The following ANKRD30BL variants were observed in gnomAD, a reference collection of about 807,000 sequenced individuals.
The protein encoded by ANKRD30BL is ankyrin repeat domain 30B like.
ANKRD30BL carries 20 observed loss-of-function variants against 18.4 expected under a neutral mutation model. That is an observed-to-expected ratio of 1.09 (90% CI 0.77 to 1.58). ANKRD30BL has a LOEUF of 1.58. Ranked by LOEUF, ANKRD30BL falls within the 40% of genes most tolerant of loss-of-function variation. ANKRD30BL has a pLI of 0.00. For synonymous variants in ANKRD30BL, 72 were observed against 100.9 expected, an observed-to-expected ratio of 0.71 and a Z score of 1.72; for missense variants, 224 against 268.6, an observed-to-expected ratio of 0.83 and a Z score of 1.16.
At chr2:132,221,805 T>C (rs1679694777) in intron 1 of ANKRD30BL, among the ~76,000 whole-genome samples, 1 of 103,566 alleles carries the variant, frequency 9.7e-6, no homozygotes, top group Non-Finnish European at 1.8e-5. Context: ...AGCCGCCCCG[T>C]CCGGGAGGGA....
chr2:132,202,150 A>G (rs934230462), intron 1 of ANKRD30BL, among the ~76,000 whole-genome samples: 152 of 147,932 alleles, frequency 1.0e-3, no homozygotes, highest in African/African-American at 3.4e-3. Context: ...TGTGGGGTGG[A>G]GGCAGGGGGG....
intron 1 of ANKRD30BL, among the ~76,000 whole-genome samples, chr2:132,180,497 A>G (rs1196913990): frequency 3.3e-5 from 5 of 152,226 alleles, no homozygotes; most frequent in African/African-American, 1.2e-4. Context: ...CTGTATGCAC[A>G]CATATGCAGG....
intron 1 of ANKRD30BL, among the ~76,000 whole-genome samples, chr2:132,181,491 A>T (rs1223383369): frequency 6.6e-6 from 1 of 152,000 alleles, no homozygotes; most frequent in African/African-American, 2.4e-5. Flanking sequence ...AAAGTGAGGG[A>T]TAAATGGAGA....
chr2:132,226,307 G>A (rs1679842720), intron 1 of ANKRD30BL, among the ~76,000 whole-genome samples: 1 of 150,952 alleles, frequency 6.6e-6, no homozygotes, highest in Non-Finnish European at 1.5e-5. Flanking sequence ...ATCTGCAAGT[G>A]GATTCTTGGA....
At chr2:132,206,312 C>G (rs1320311588) in intron 1 of ANKRD30BL, among the ~76,000 whole-genome samples, 1 of 152,100 alleles carries the variant, frequency 6.6e-6, no homozygotes. Flanking sequence ...TGGATTTCAA[C>G]TTTTGAGTGC....
chr2:132,222,786 G>T (rs1243128528), intron 1 of ANKRD30BL, among the ~76,000 whole-genome samples: 1 of 118,696 alleles, frequency 8.4e-6, no homozygotes, highest in Middle Eastern at 9.1e-3. Context: ...ATTGTCCTAT[G>T]ACCCTGCCAA....
At chr2:132,222,230 C>G (rs1425375077) in intron 1 of ANKRD30BL, among the ~76,000 whole-genome samples, 3 of 148,280 alleles carry the variant, frequency 2.0e-5, no homozygotes, top group African/African-American at 5.0e-5. Context: ...CAGCCCCCCG[C>G]CCGGCCAGCC....
At chr2:132,205,321 A>G (rs886225135) in intron 1 of ANKRD30BL, among the ~76,000 whole-genome samples, 1 of 151,728 alleles carries the variant, frequency 6.6e-6, no homozygotes, top group East Asian at 1.9e-4. Flanking sequence ...TATTAAAAAG[A>G]AAGCATGGGC....
intron 1 of ANKRD30BL, among the ~76,000 whole-genome samples, chr2:132,241,210 T>A (rs1462294731): frequency 6.6e-6 from 1 of 151,430 alleles, no homozygotes; most frequent in Admixed American, 6.6e-5. Flanking sequence ...TCTCAGAAAC[T>A]TCTTTGTGAT....
chr2:132,226,149 G>A (rs75825284), intron 1 of ANKRD30BL, among the ~76,000 whole-genome samples: 3 of 151,780 alleles, frequency 2.0e-5, no homozygotes, highest in Admixed American at 6.6e-5. Context: ...TATTTTGACC[G>A]CTTAGAGGCC....
chr2:132,213,068 G>A (rs190671964), intron 1 of ANKRD30BL, among the ~76,000 whole-genome samples: 56 of 151,896 alleles, frequency 3.7e-4, no homozygotes, highest in Admixed American at 3.1e-3. Context: ...TTTCAATTGA[G>A]CAGTTTTGAA....
intron 1 of ANKRD30BL, among the ~76,000 whole-genome samples, chr2:132,223,817 A>T (rs1433023750): frequency 6.6e-6 from 1 of 152,160 alleles, no homozygotes; most frequent in East Asian, 1.9e-4. Flanking sequence ...AGACAGAAGC[A>T]TTCTCAGAAA....
At chr2:132,182,674 C>G (rs1468411978) in intron 1 of ANKRD30BL, among the ~76,000 whole-genome samples, 2 of 151,952 alleles carry the variant, frequency 1.3e-5, no homozygotes, top group East Asian at 1.9e-4. Context: ...ATCTATAAGT[C>G]TAAAAACATC....
chr2:132,182,771 C>T (rs1207340165), intron 1 of ANKRD30BL, among the ~76,000 whole-genome samples: 1 of 152,054 alleles, frequency 6.6e-6, no homozygotes, highest in Non-Finnish European at 1.5e-5. Flanking sequence ...TCAGTGTTCA[C>T]TCTGAAAAAT....
chr2:132,156,242 T>C (rs1687901603), intron 3 of ANKRD30BL: 1 of 152,186 alleles, frequency 6.6e-6, no homozygotes, highest in Admixed American at 6.5e-5. Context: ...TAAAAAGGCT[T>C]AAAGGCTTTC....
chr2:132,165,647 A>G (rs1202201824), upstream of ANKRD30BL, among the ~76,000 whole-genome samples: 1 of 151,744 alleles, frequency 6.6e-6, no homozygotes, highest in Non-Finnish European at 1.5e-5. Context: ...GTTTGAACCC[A>G]GGAGGTGGAG....
intron 1 of ANKRD30BL, among the ~76,000 whole-genome samples, chr2:132,219,796 T>C (rs1287052337): frequency 6.6e-6 from 1 of 152,166 alleles, no homozygotes; most frequent in Non-Finnish European, 1.5e-5. Flanking sequence ...TTTGAAGCGC[T>C]TTGAGGACTT....
chr2:132,200,963 C>G (rs1357951070), intron 1 of ANKRD30BL, among the ~76,000 whole-genome samples: 2 of 152,128 alleles, frequency 1.3e-5, no homozygotes, highest in Non-Finnish European at 2.9e-5. Context: ...ATCAATGGAA[C>G]AGAACAGAGT....
intron 1 of ANKRD30BL, among the ~76,000 whole-genome samples, chr2:132,194,507 TGA>T (rs1239010505): frequency 6.6e-6 from 1 of 152,212 alleles, no homozygotes; most frequent in African/African-American, 2.4e-5. Context: ...CAGTGAGTTG[TGA>T]GAGTCTCCAA....
Sources: allele counts gnomAD v4.1 joint callset (sites outside exome capture counted in the v4.1 genomes callset), GRCh38; gene constraint gnomAD v4.1.1; transcripts MANE v1.5; gene names NCBI Gene and HGNC (gene_info 2026-07-23, HGNC 2026-07-21).